The following RYR3 variants were observed in gnomAD, a reference collection of about 807,000 sequenced individuals.
RYR3 encodes the protein ryanodine receptor 3.
In RYR3, 207 loss-of-function variants were observed where a neutral mutation model predicts 584.3. The observed-to-expected ratio is 0.35, with a 90% CI of 0.32 to 0.40. RYR3 has a LOEUF of 0.40. RYR3 is among the 10% of genes least tolerant of loss of function. The pLI, the probability that RYR3 is intolerant of heterozygous loss-of-function variation, is 1.00. For synonymous variants in RYR3, 2,416 were observed against 2,248.5 expected (o/e 1.07, Z -2.11); for missense variants, 5,616 against 6,089.2 (o/e 0.92, Z 2.59).
chr15:33,690,653 GAAA>G (rs2065352960), intron 38 of RYR3, among the ~76,000 whole-genome samples: 1 of 152,166 alleles, frequency 6.6e-6, no homozygotes, highest in East Asian at 1.9e-4. Context: ...TAGCTGGAGG[GAAA>G]GCTTTGGTTT....
At chr15:33,326,573 G>T (rs1292657010) in intron 1 of RYR3, among the ~76,000 whole-genome samples, 1 of 152,184 alleles carries the variant, frequency 6.6e-6, no homozygotes, top group Non-Finnish European at 1.5e-5. Context: ...GTTTCTATAG[G>T]TTGTTGATAG....
At chr15:33,812,519 AATC>A (rs1255712390) in intron 72 of RYR3, among the ~76,000 whole-genome samples, 1 of 152,174 alleles carries the variant, frequency 6.6e-6, no homozygotes, top group Non-Finnish European at 1.5e-5. Flanking sequence ...AATAAAAAAT[AATC>A]ATTGAAATTA....
At chr15:33,530,915 T>C (rs868113748) in intron 4 of RYR3, among the ~76,000 whole-genome samples, 4 of 152,168 alleles carry the variant, frequency 2.6e-5, no homozygotes, top group African/African-American at 7.2e-5. Flanking sequence ...GCCATGTTTC[T>C]TTCTTATTTT....
chr15:33,377,643 T>C (rs1595897638), intron 1 of RYR3, among the ~76,000 whole-genome samples: 1 of 152,338 alleles, frequency 6.6e-6, no homozygotes, highest in African/African-American at 2.4e-5. Context: ...AATCCATCTC[T>C]GCCACTTACT....
chr15:33,626,994 C>T (rs1412571240), intron 20 of RYR3, among the ~76,000 whole-genome samples: 3 of 152,170 alleles, frequency 2.0e-5, no homozygotes, highest in Non-Finnish European at 4.4e-5. Flanking sequence ...AGAGTCCTCA[C>T]TGGGACACTG....
At chr15:33,332,264 T>A (rs934675560) in intron 1 of RYR3, among the ~76,000 whole-genome samples, 1 of 152,110 alleles carries the variant, frequency 6.6e-6, no homozygotes, top group Non-Finnish European at 1.5e-5. Context: ...AGTGCTTATC[T>A]TTGTAAGTAG....
At chr15:33,752,575 G>A (rs185773543) in intron 57 of RYR3, among the ~76,000 whole-genome samples, 113 of 152,260 alleles carry the variant, frequency 7.4e-4, no homozygotes, top group Middle Eastern at 3.4e-3. Context: ...TTTGCACATT[G>A]ATTTTGTATC....
intron 28 of RYR3, among the ~76,000 whole-genome samples, chr15:33,645,832 C>G (rs190794337): frequency 2.7e-3 from 408 of 152,222 alleles, no homozygotes; most frequent in African/African-American, 9.6e-3. Flanking sequence ...GGAGGAGGCT[C>G]CAGGAGCCTC....
At chr15:33,347,503 G>T (rs1432744748) in intron 1 of RYR3, among the ~76,000 whole-genome samples, 1 of 151,166 alleles carries the variant, frequency 6.6e-6, no homozygotes, top group Non-Finnish European at 1.5e-5. Flanking sequence ...CTGGAGTGCA[G>T]TGGTGCTATC....
At position 33,342,599 on chromosome 15, in the gene RYR3, A is replaced by G. The variant is rs1009116695; in HGVS notation, c.51+31503A>G. Among the ~76,000 whole-genome samples the G allele has an allele frequency of 4.4e-5, 6 of 135,014 alleles. No individual in the cohort carries two copies. The South Asian group carries it at 1.2e-3, about 27-fold the overall frequency. The allele number at this position is 135,014 out of a possible 152,430, so 88.6% of individuals were successfully genotyped here. ...TAGTTTCACGTATATAATATTATCC[A>G]ATAATCAATCTTGTTTGTTATAATT... On this transcript the variant is annotated intron_variant, in intron 1 of 103. Transcript: ENST00000634891.
chr15:33,752,064 T>G (rs2071365557), intron 57 of RYR3, among the ~76,000 whole-genome samples: 2 of 152,144 alleles, frequency 1.3e-5, no homozygotes, highest in East Asian at 1.9e-4. Flanking sequence ...ATTTCTGAGG[T>G]CTCTGTTCTA....
At chr15:33,854,946 C>G (rs749408833) in intron 98 of RYR3, 34 bp downstream of exon 98, 12 of 1,581,590 alleles carry the variant, frequency 7.6e-6, no homozygotes, top group South Asian at 1.2e-5. Flanking sequence ...CAGAATGGAC[C>G]TGTATATGCA....
intron 60 of RYR3, among the ~76,000 whole-genome samples, chr15:33,766,616 G>C (rs1029110403): frequency 6.6e-6 from 1 of 152,230 alleles, no homozygotes; most frequent in Admixed American, 6.5e-5. Context: ...GGCACCATTT[G>C]TCACGGCTGG....
rs745727511 is a variant in RYR3 at position 33,825,649 on chromosome 15, C to T, written c.11119C>T (p.Leu3707=). Residue 3707 remains leucine (L), a synonymous_variant, in exon 82 of 104, where the codon CTG becomes TTG. Transcript: ENST00000634891. ...AFERQNKAEG[L]GMVTEEGTLI... ...TGAGAGGCAGAATAAAGCTGAAGGC[C>T]TGGGGATGGTGACTGAAGAAGGAAC... 1.2e-6 allele frequency: 2 copies of T among 1,610,542 alleles called. No individual in the cohort carries two copies. The highest frequency in any genetic ancestry group is 2.2e-5 in the South Asian group (2 of 90,972).
Position 33,794,026 on chromosome 15 carries a change from A to AAATATATGCATAAATACATATTATATAT in RYR3, c.9830+5575_9830+5576insGCATAAATACATATTATATATAATATAT, listed in dbSNP as rs1306375479. 1.5e-3 allele frequency among the ~76,000 whole-genome samples: 176 copies of AAATATATGCATAAATACATATTATATAT among 119,476 alleles called. 1 individual carries two copies. The highest frequency in any genetic ancestry group is 2.4e-3 in the Non-Finnish European group (141 of 59,338). 78.4% of individuals were successfully genotyped at this position (119,476 alleles called of 152,430 possible). On this transcript the variant is annotated intron_variant, in intron 67 of 103. Coordinates refer to ENST00000634891, the MANE Select transcript of RYR3 (RefSeq NM_001036.6). ...ATACACATAAATATATATTATATAT[A>AAATATATGCATAAATACATATTATATAT]AATATATACATAAATACATATATAT...
At chr15:33,551,010 G>A (rs1280488140) in intron 10 of RYR3, among the ~76,000 whole-genome samples, 2 of 152,180 alleles carry the variant, frequency 1.3e-5, no homozygotes, top group Non-Finnish European at 2.9e-5. Context: ...ACCATTTGAT[G>A]TGTATGTAGA....
chr15:33,395,742 C>A (rs2042258215), intron 1 of RYR3, among the ~76,000 whole-genome samples: 1 of 152,200 alleles, frequency 6.6e-6, no homozygotes, highest in Non-Finnish European at 1.5e-5. Flanking sequence ...CCTGTTAAAT[C>A]CTCTCTGATT....
intron 1 of RYR3, among the ~76,000 whole-genome samples, chr15:33,314,329 G>A (rs958372259): frequency 3.9e-5 from 6 of 152,100 alleles, no homozygotes; most frequent in African/African-American, 1.4e-4. Context: ...CATTGACGTG[G>A]CTCTGAAGCT....
chr15:33,854,348 C>G (rs752822202), intron 96 of RYR3, 41 bp from the exon 97 acceptor site: 4 of 1,521,164 alleles, frequency 2.6e-6, no homozygotes, highest in South Asian at 1.2e-5. Context: ...TTAACTACCT[C>G]TTGACATTTA....
Sources: allele counts gnomAD v4.1 joint callset (sites outside exome capture counted in the v4.1 genomes callset), GRCh38; gene constraint gnomAD v4.1.1; transcripts MANE v1.5; gene names NCBI Gene and HGNC (gene_info 2026-07-23, HGNC 2026-07-21).